The following ERC2 variants were observed in gnomAD, a reference collection of about 807,000 sequenced individuals.
ERC2 encodes ERC protein 2.
ERC2 carries 42 observed loss-of-function variants against 114.8 expected under a neutral mutation model. The observed-to-expected ratio is 0.37, with a 90% CI of 0.29 to 0.47. The LOEUF (loss-of-function observed/expected upper bound fraction) is 0.47. ERC2 is among the 20% of genes least tolerant of loss of function. The pLI is 0.99. For synonymous variants in ERC2, 454 were observed against 425.5 expected (o/e 1.07, Z -0.82); for missense variants, 939 against 1,150.7 (o/e 0.82, Z 2.66).
chr3:56,341,828 G>A (rs2058100788), intron 2 of ERC2, among the ~76,000 whole-genome samples: 1 of 152,142 alleles, frequency 6.6e-6, no homozygotes, highest in African/African-American at 2.4e-5. Flanking sequence ...TTTTATTTCT[G>A]TTTCCTAAGC....
At chr3:55,515,755 A>G (rs897023211) in intron 17 of ERC2, among the ~76,000 whole-genome samples, 1 of 152,042 alleles carries the variant, frequency 6.6e-6, no homozygotes, top group African/African-American at 2.4e-5. Flanking sequence ...CCCAGGACAG[A>G]CGCCCCAGGG....
intron 4 of ERC2, among the ~76,000 whole-genome samples, chr3:56,150,371 A>G (rs1013047374): frequency 9.2e-5 from 14 of 152,118 alleles, no homozygotes; most frequent in Non-Finnish European, 2.9e-5. Flanking sequence ...AGTAATTATC[A>G]TTGTTATTAT....
intron 3 of ERC2, among the ~76,000 whole-genome samples, chr3:56,208,642 C>A (rs758090235): frequency 6.6e-6 from 1 of 152,196 alleles, no homozygotes; most frequent in African/African-American, 2.4e-5. Flanking sequence ...GAAGATCTTT[C>A]TTGTCCTTGG....
At chr3:55,920,415 AACACACACACACACAC>A (rs10560997) in intron 13 of ERC2, among the ~76,000 whole-genome samples, 3 of 146,720 alleles carry the variant, frequency 2.0e-5, no homozygotes, top group East Asian at 2.0e-4. Context: ...GGCACACTAA[AACACACACACACACAC>A]ACACACACAC....
At chr3:55,699,252 C>CT (rs1553634019) in intron 16 of ERC2, 126 bp downstream of exon 16, 3 of 1,172,832 alleles carry the variant, frequency 2.6e-6, no homozygotes, top group Non-Finnish European at 3.7e-6. Context: ...AATACCAAAG[C>CT]TATTAGTTTC....
At position 56,434,403 on chromosome 3, in the gene ERC2, G is replaced by A. The variant is rs768920886; in HGVS notation, c.605C>T (p.Ala202Val). 10 of 1,613,700 alleles carry A rather than the reference G, an allele frequency of 6.2e-6. No homozygotes were observed. The highest frequency in any genetic ancestry group is 4.0e-5 in the African/African-American group (3 of 74,894). Residue 202 changes from alanine to valine, a missense_variant, in exon 2 of 18, where the codon GCG becomes GTG. By Grantham distance (64) the Ala-to-Val change is moderately conservative. Transcript: ENST00000288221. ...CTGCTCCTTGAGGACAGACATCCGC[G>A]CTGCCTCTTCTTTCCTCAAGACTCT... ...KERVLRKEEA[A>V]RMSVLKEQMR...
At chr3:56,061,160 G>A (rs1037049774) in intron 7 of ERC2, among the ~76,000 whole-genome samples, 11 of 152,118 alleles carry the variant, frequency 7.2e-5, no homozygotes, top group East Asian at 5.8e-4. Flanking sequence ...CTGCAGGCAC[G>A]ACTGCACATA....
intron 3 of ERC2, among the ~76,000 whole-genome samples, chr3:56,241,985 G>T (rs1024461017): frequency 1.3e-5 from 2 of 152,132 alleles, no homozygotes; most frequent in African/African-American, 4.8e-5. Context: ...AGACAGAATG[G>T]CCCTCAAAGC....
intron 3 of ERC2, among the ~76,000 whole-genome samples, chr3:56,183,147 C>A (rs2083380181): frequency 2.0e-5 from 3 of 152,154 alleles, no homozygotes; most frequent in African/African-American, 2.4e-5. Context: ...TAAAGATTGA[C>A]CCCATACCAG....
intron 3 of ERC2, among the ~76,000 whole-genome samples, chr3:56,277,779 C>G (rs1018033809): frequency 6.6e-6 from 1 of 151,226 alleles, no homozygotes; most frequent in African/African-American, 2.4e-5. Context: ...GTATAAACAT[C>G]TAATTTTCTT....
chr3:56,026,663 A>G (rs79928842), intron 7 of ERC2, among the ~76,000 whole-genome samples: 2,113 of 152,326 alleles, frequency 0.014, 10 homozygotes, highest in African/African-American at 0.027. Flanking sequence ...GTTATAAGAA[A>G]TAATACAAAG....
chr3:55,837,450 T>C (rs1367863074), intron 14 of ERC2, among the ~76,000 whole-genome samples: 5 of 152,094 alleles, frequency 3.3e-5, no homozygotes, highest in Admixed American at 6.5e-5. Context: ...TCATGTCCTT[T>C]GCAGGGACAT....
intron 6 of ERC2, among the ~76,000 whole-genome samples, chr3:56,110,557 T>C (rs2078905788): frequency 6.6e-6 from 1 of 152,166 alleles, no homozygotes; most frequent in African/African-American, 2.4e-5. Context: ...ATATTTAATA[T>C]AATGTACATA....
chr3:56,219,105 G>A (rs2049717875), intron 3 of ERC2, among the ~76,000 whole-genome samples: 1 of 152,090 alleles, frequency 6.6e-6, no homozygotes, highest in South Asian at 2.1e-4. Flanking sequence ...CCTGCAAGTT[G>A]TGCACATGTA....
chr3:55,600,495 G>A (rs1000870942), intron 17 of ERC2, among the ~76,000 whole-genome samples: 2 of 152,188 alleles, frequency 1.3e-5, no homozygotes, highest in African/African-American at 4.8e-5. Context: ...AAACATTCAC[G>A]TCTGCCATCT....
At chr3:56,445,984 A>G (rs1392470820) in intron 1 of ERC2, among the ~76,000 whole-genome samples, 1 of 152,070 alleles carries the variant, frequency 6.6e-6, no homozygotes, top group Non-Finnish European at 1.5e-5. Context: ...GGTCATCTCA[A>G]TGGCCCTCTT....
chr3:56,362,670 T>C (rs548376741), intron 2 of ERC2, among the ~76,000 whole-genome samples: 7 of 152,300 alleles, frequency 4.6e-5, no homozygotes, highest in Admixed American at 2.0e-4. Context: ...TTGCCTCTTA[T>C]GAAAATACAG....
chr3:56,210,625 A>G (rs2049000666), intron 3 of ERC2, among the ~76,000 whole-genome samples: 1 of 152,232 alleles, frequency 6.6e-6, no homozygotes, highest in Non-Finnish European at 1.5e-5. Context: ...AATCTCCATT[A>G]AATGCAGAAA....
chr3:55,597,018 C>T (rs2058170090), intron 17 of ERC2, among the ~76,000 whole-genome samples: 1 of 152,128 alleles, frequency 6.6e-6, no homozygotes, highest in African/African-American at 2.4e-5. Context: ...TCTTCAAGTA[C>T]ATATGAAATA....
Sources: gnomAD v4.1 joint callset for allele counts (sites outside exome capture counted in the v4.1 genomes callset) on GRCh38, gnomAD v4.1.1 for gene constraint, MANE v1.5 for transcripts, NCBI Gene and HGNC (gene_info 2026-07-23, HGNC 2026-07-21) for gene names.